The following RTKN2 variants were observed in gnomAD, a reference collection of about 807,000 sequenced individuals.
The protein encoded by RTKN2 is rhotekin 2.
RTKN2 carries 69 observed loss-of-function variants against 71.5 expected under a neutral mutation model. The ratio of observed to expected loss-of-function variants is 0.96; its 90% CI spans 0.79 to 1.18. RTKN2 has a LOEUF of 1.18. Ranked by LOEUF, RTKN2 falls within the 50% of genes most tolerant of loss-of-function variation. The pLI is 0.00. For missense variants in RTKN2, 724 were observed against 719.7 expected, an observed-to-expected ratio of 1.01 and a Z score of -0.07; for synonymous variants, 236 against 236.5, an observed-to-expected ratio of 1.00 and a Z score of 0.02.
At chr10:62,268,411 AATC>A in intron 1 of RTKN2, 137 bp downstream of exon 1, 1 of 842,676 alleles carries the variant, frequency 1.2e-6, no homozygotes, top group Middle Eastern at 2.2e-4. Context: ...GCAGTCTCCT[AATC>A]CCTCCCTTTG....
At chr10:62,251,588 T>C (rs139695232) in intron 2 of RTKN2, among the ~76,000 whole-genome samples, 2 of 152,316 alleles carry the variant, frequency 1.3e-5, no homozygotes, top group African/African-American at 2.4e-5. Context: ...TAAAAGTAGA[T>C]AATCAAAACT....
At chr10:62,261,083 T>C (rs1353634238) in intron 2 of RTKN2, among the ~76,000 whole-genome samples, 1 of 152,212 alleles carries the variant, frequency 6.6e-6, no homozygotes, top group Non-Finnish European at 1.5e-5. Context: ...CATCATGTAC[T>C]CTCAGTGCTA....
In RTKN2 at chr10:62,236,003, T is replaced by C. The variant is rs890806241; in HGVS notation, c.686+63A>G. On this transcript the variant is annotated intron_variant, in intron 6 of 11. Transcript: ENST00000373789. ...ATAAAGTAAACATACACTTCACATA[T>C]AATACTTTAAAATATCACAAATGTA... is the stretch of plus-strand genomic sequence containing the variant. 4 of 1,186,232 alleles carry C rather than the reference T, an allele frequency of 3.4e-6. No individual in the cohort carries two copies. The African/African-American group carries it at 4.6e-5, about 14-fold the overall frequency. The allele number at this position is 1,186,232 out of a possible 1,614,324, so 73.5% of individuals were successfully genotyped here. A position where few individuals can be genotyped will look rare whatever the true frequency, so the allele number is the denominator to read the frequency against.
chr10:62,248,981 C>T (rs1842527265), intron 2 of RTKN2, among the ~76,000 whole-genome samples: 2 of 152,110 alleles, frequency 1.3e-5, no homozygotes. Flanking sequence ...AAAATTAAAA[C>T]ACTCAAACGT....
intron 6 of RTKN2, among the ~76,000 whole-genome samples, chr10:62,234,502 A>AAAAAAAAG (rs1554812533): frequency 8.6e-5 from 13 of 151,696 alleles, no homozygotes; most frequent in African/African-American, 3.1e-4. Flanking sequence ...CTTAAAAAAA[A>AAAAAAAAG]AAAAAGAAAA....
Position 62,205,002 on chromosome 10 carries a change from C to T in RTKN2, c.1041G>A (p.Met347Ile), listed in dbSNP as rs1286189725. 1.3e-6 allele frequency: 2 copies of T among 1,587,086 alleles called. No individual in the cohort carries two copies. Among genetic ancestry groups the T allele is most frequent in the Non-Finnish European group, 1.7e-6 (2 of 1,172,664 alleles). ...PINKETRIRA[M>I]DKDAKKRIHN... Reference sequence around the variant, plus strand: ...GGATTCTTTTCTTGGCATCCTTATCCATTGCCCGGATTCTGGTTTCCTAAA... The same window carrying T: ...GGATTCTTTTCTTGGCATCCTTATCTATTGCCCGGATTCTGGTTTCCTAAA... Residue 347 changes from methionine (M) to isoleucine (I), a missense_variant, in exon 10 of 12, where the codon ATG becomes ATA. Transcript: ENST00000373789.
intron 9 of RTKN2, among the ~76,000 whole-genome samples, chr10:62,212,054 T>A (rs1035990001): frequency 6.6e-6 from 1 of 152,054 alleles, no homozygotes; most frequent in African/African-American, 2.4e-5. Flanking sequence ...TATTTAAGAA[T>A]ACATTGTTCG....
At chr10:62,262,857 A>T (rs1473296079) in intron 1 of RTKN2, 36 bp from the exon 2 acceptor site, 1 of 1,396,324 alleles carries the variant, frequency 7.2e-7, no homozygotes. Context: ...TATAGCAAAA[A>T]CCCAAAATTA....
chr10:62,241,570 C>T (rs1261880122), intron 3 of RTKN2, among the ~76,000 whole-genome samples: 1 of 152,068 alleles, frequency 6.6e-6, no homozygotes, highest in Non-Finnish European at 1.5e-5. Flanking sequence ...AATACCAACA[C>T]CATACTATTT....
At chr10:62,246,689 G>C (rs181649127) in intron 2 of RTKN2, among the ~76,000 whole-genome samples, 3 of 152,008 alleles carry the variant, frequency 2.0e-5, no homozygotes, top group East Asian at 3.9e-4. Context: ...CGATTCAAAG[G>C]AAATTCTGGG....
intron 6 of RTKN2, among the ~76,000 whole-genome samples, chr10:62,232,283 A>G (rs778661078): frequency 6.6e-6 from 1 of 151,566 alleles, no homozygotes; most frequent in Non-Finnish European, 1.5e-5. Context: ...GGCTTCAAAA[A>G]GAAATATAGA....
At chr10:62,205,372 A>G (rs1357098337) in intron 9 of RTKN2, among the ~76,000 whole-genome samples, 1 of 152,172 alleles carries the variant, frequency 6.6e-6, no homozygotes, top group Non-Finnish European at 1.5e-5. Context: ...CCAATAAAAC[A>G]AGTACAGCAT....
At chr10:62,189,964 C>G (rs1318070178), downstream of RTKN2, among the ~76,000 whole-genome samples, 1 of 151,812 alleles carries the variant, frequency 6.6e-6, no homozygotes, top group Admixed American at 6.6e-5. Context: ...AATACCACTT[C>G]TTCTAGTTGT....
At chr10:62,213,363 G>A (rs970762592) in intron 9 of RTKN2, among the ~76,000 whole-genome samples, 5 of 152,094 alleles carry the variant, frequency 3.3e-5, no homozygotes, top group Non-Finnish European at 5.9e-5. Flanking sequence ...GCTCTATAAC[G>A]TACTTGTCTG....
intron 2 of RTKN2, among the ~76,000 whole-genome samples, chr10:62,246,624 G>T (rs1842483290): frequency 6.6e-6 from 1 of 151,956 alleles, no homozygotes; most frequent in Non-Finnish European, 1.5e-5. Flanking sequence ...AACAAACTAA[G>T]ATGAGAAACA....
chr10:62,264,525 G>T (rs1393325222), intron 1 of RTKN2, among the ~76,000 whole-genome samples: 1 of 152,152 alleles, frequency 6.6e-6, no homozygotes, highest in Non-Finnish European at 1.5e-5. Context: ...AATTATCTAT[G>T]TGACCCATAT....
intron 2 of RTKN2, among the ~76,000 whole-genome samples, chr10:62,252,737 G>C (rs913723787): frequency 2.0e-5 from 3 of 151,946 alleles, no homozygotes; most frequent in Non-Finnish European, 4.4e-5. Context: ...GGCCATTCTT[G>C]CATTGCTATA....
rs1841264571 is a variant in RTKN2 at position 62,193,556 on chromosome 10, C to T, written c.*4352G>A. ...TTTTAATTTTAAATATTTCTGATCA[C>T]ACTACAGATTTAGAAATAAAATGCT... On this transcript the variant is annotated 3_prime_UTR_variant, in exon 12 of 12. Transcript: ENST00000373789. 1.0e-6 allele frequency: 1 copy of T among 981,176 alleles called. No homozygotes were observed. 60.8% of individuals were successfully genotyped at this position (981,176 alleles called of 1,614,324 possible). A position where few individuals can be genotyped will look rare whatever the true frequency, so the allele number is the denominator to read the frequency against.
intron 9 of RTKN2, among the ~76,000 whole-genome samples, chr10:62,209,385 T>C (rs891731831): frequency 9.7e-5 from 3 of 30,890 alleles, no homozygotes; most frequent in African/African-American, 5.3e-4. Flanking sequence ...AAATTGTCTA[T>C]GGTGTGTGTG....
Sources: gnomAD v4.1 joint callset for allele counts (sites outside exome capture counted in the v4.1 genomes callset) on GRCh38, gnomAD v4.1.1 for gene constraint, MANE v1.5 for transcripts, NCBI Gene and HGNC (gene_info 2026-07-23, HGNC 2026-07-21) for gene names.